The following XPO4 variants were observed in gnomAD, a reference collection of about 807,000 sequenced individuals.
XPO4 encodes exportin-4.
A neutral mutation model predicts 143.0 loss-of-function variants in XPO4; 39 were observed. That is an observed-to-expected ratio of 0.27 (90% CI 0.21 to 0.36). XPO4 has a LOEUF of 0.36. XPO4 is among the 10% of genes least tolerant of loss of function. The pLI is 1.00. For synonymous variants in XPO4, 439 were observed against 474.0 expected (o/e 0.93, Z 0.96); for missense variants, 907 against 1,348.0 (o/e 0.67, Z 5.12).
chr13:20,896,708 T>TGG (rs2060573115), intron 1 of XPO4, among the ~76,000 whole-genome samples: 1 of 152,210 alleles, frequency 6.6e-6, no homozygotes, highest in Non-Finnish European at 1.5e-5. Context: ...TATCTGCACT[T>TGG]ATTCCCATTT....
chr13:20,812,810 CTT>C (rs2059599584), intron 9 of XPO4, among the ~76,000 whole-genome samples: 1 of 152,096 alleles, frequency 6.6e-6, no homozygotes. Flanking sequence ...TCTGTACTGT[CTT>C]TGCAAATTTT....
intron 9 of XPO4, among the ~76,000 whole-genome samples, chr13:20,815,267 T>C (rs1002791178): frequency 6.6e-6 from 1 of 152,098 alleles, no homozygotes. Context: ...TCCAAACCCA[T>C]AGAATGTACA....
At chr13:20,851,017 C>T in intron 4 of XPO4, 1 of 985,140 alleles carries the variant, frequency 1.0e-6, no homozygotes, top group Non-Finnish European at 1.2e-6. Context: ...AGTTTATAGC[C>T]AATACTAAAT....
chr13:20,788,270 T>C (rs1595051457), intron 20 of XPO4, among the ~76,000 whole-genome samples: 1 of 152,258 alleles, frequency 6.6e-6, no homozygotes, highest in East Asian at 1.9e-4. Context: ...TTGGCCAGGC[T>C]GGTCTCGAAC....
chr13:20,787,709 T>A, intron 20 of XPO4, 111 bp from the exon 21 acceptor site: 1 of 810,080 alleles, frequency 1.2e-6, no homozygotes, highest in Non-Finnish European at 2.0e-6. Flanking sequence ...TGAATACAGA[T>A]ACACAAGTAG....
chr13:20,780,516 A>T lies in XPO4; in HGVS notation c.*3206T>A, dbSNP rs931993762. ...TTAAGGGGAGTGTTAAATAATGCTG[A>T]CTGGGGGGAAATGATATAGATACTT... On this transcript the variant is annotated 3_prime_UTR_variant, in exon 23 of 23. Transcript: ENST00000255305. 1 of 152,172 alleles carries T rather than the reference A, an allele frequency of 6.6e-6. No homozygotes were observed. The highest frequency in any genetic ancestry group is 1.5e-5 in the Non-Finnish European group (1 of 68,024). The allele number at this position is 152,172 out of a possible 1,614,324, so 9.4% of individuals were successfully genotyped here. A position where few individuals can be genotyped will look rare whatever the true frequency, so the allele number is the denominator to read the frequency against.
In XPO4 at chr13:20,800,079, G is replaced by C. The variant is rs1489439901; in HGVS notation, c.2147+77C>G. The C allele has an allele frequency of 5.2e-6, 8 of 1,527,324 alleles. No individual in the cohort carries two copies. In the Admixed American group the frequency reaches 1.5e-4, roughly 29 times the overall value. The allele number at this position is 1,527,324 out of a possible 1,614,324, so 94.6% of individuals were successfully genotyped here. A position where few individuals can be genotyped will look rare whatever the true frequency, so the allele number is the denominator to read the frequency against. ...CCGTGTAACCATTTGCCAGTTCAAA[G>C]GACTACACTAAGAAGTGAAAAAGAG... On this transcript the variant is annotated intron_variant, in intron 15 of 22. Transcript: ENST00000255305.
At chr13:20,816,010 T>C (rs910296621) in intron 9 of XPO4, among the ~76,000 whole-genome samples, 1 of 152,236 alleles carries the variant, frequency 6.6e-6, no homozygotes, top group African/African-American at 2.4e-5. Flanking sequence ...ATCAATATAC[T>C]ATACTATTTC....
chr13:20,808,941 A>T, intron 11 of XPO4, 142 bp downstream of exon 11: 1 of 951,992 alleles, frequency 1.1e-6, no homozygotes, highest in East Asian at 2.5e-5. Flanking sequence ...GAACGCAATC[A>T]TGAGTATGTT....
At position 20,782,531 on chromosome 13, in the gene XPO4, C is replaced by T. The variant is rs1250439191; in HGVS notation, c.*1191G>A. 2 of 152,512 alleles carry T rather than the reference C, an allele frequency of 1.3e-5. No individual in the cohort carries two copies. The highest frequency in any genetic ancestry group is 2.9e-5 in the Non-Finnish European group (2 of 68,028). 9.4% of individuals were successfully genotyped at this position (152,512 alleles called of 1,614,324 possible). ...CCATGTCTGGATAAGAATTATTGCC[C>T]CTAATGCCCCAACGTGCAATAGTCT... is the stretch of plus-strand genomic sequence containing the variant. On this transcript the variant is annotated 3_prime_UTR_variant, in exon 23 of 23. Coordinates refer to ENST00000255305, the MANE Select transcript of XPO4 (RefSeq NM_022459.5).
intron 6 of XPO4, among the ~76,000 whole-genome samples, chr13:20,834,998 A>C (rs1966190): frequency 0.3 from 44,937 of 151,954 alleles, 8,378 homozygotes; most frequent in East Asian, 0.8. Flanking sequence ...AACTTAACTT[A>C]GTTTTTTGTT....
At chr13:20,793,394 C>T (rs1011927653) in intron 18 of XPO4, among the ~76,000 whole-genome samples, 2 of 152,082 alleles carry the variant, frequency 1.3e-5, no homozygotes, top group Admixed American at 6.5e-5. Context: ...TTAATCTTTT[C>T]GCTGCTTTTA....
intron 1 of XPO4, among the ~76,000 whole-genome samples, chr13:20,899,602 T>C (rs1049813181): frequency 6.6e-6 from 1 of 152,170 alleles, no homozygotes; most frequent in Admixed American, 6.5e-5. Context: ...CACCAAAAAA[T>C]TTGTTACAAT....
intron 1 of XPO4, among the ~76,000 whole-genome samples, chr13:20,892,513 C>A (rs530736933): frequency 8.5e-5 from 13 of 152,262 alleles, no homozygotes; most frequent in African/African-American, 2.2e-4. Flanking sequence ...CTTTTTCATT[C>A]AACAAATATT....
intron 6 of XPO4, among the ~76,000 whole-genome samples, chr13:20,832,527 G>A (rs963730288): frequency 2.0e-5 from 3 of 152,010 alleles, no homozygotes; most frequent in Non-Finnish European, 4.4e-5. Flanking sequence ...GCAACAATGG[G>A]CATTTCACAT....
At position 20,817,984 on chromosome 13, in the gene XPO4, C is replaced by T. The variant is rs183359406; in HGVS notation, c.1173+3720G>A. 2.4e-3 allele frequency among the ~76,000 whole-genome samples: 364 copies of T among 151,998 alleles called. 3 individuals are homozygous for T. The highest frequency in any genetic ancestry group is 0.016 in the South Asian group (78 of 4,802). On this transcript the variant is annotated intron_variant, in intron 9 of 22. Transcript: ENST00000255305. ...CTAATTTTTGTATTTTTAGTAGAGA[C>T]GGAGCTTCGATGTGTTGGCCAGGCT...
At chr13:20,861,839 G>A (rs983126197) in intron 3 of XPO4, among the ~76,000 whole-genome samples, 3 of 127,240 alleles carry the variant, frequency 2.4e-5, no homozygotes, top group Non-Finnish European at 4.7e-5. Flanking sequence ...AGGCTGGAGT[G>A]CAGTGATGCA....
At position 20,827,069 on chromosome 13, in the gene XPO4, T is replaced by C. The variant is rs1481507831; in HGVS notation, c.838A>G (p.Thr280Ala). 6.2e-7 allele frequency: 1 copy of C among 1,609,504 alleles called. No homozygotes were observed. The highest frequency in any genetic ancestry group is 1.3e-5 in the African/African-American group (1 of 74,944). Residue 280 changes from threonine to alanine, a missense_variant and splice_region_variant, in exon 7 of 23, where the codon ACA becomes GCA. Coordinates refer to ENST00000255305, the MANE Select transcript of XPO4 (RefSeq NM_022459.5). ...LDSRVMELFF[T>A]VHRKIREDSD... The stretch of plus-strand genomic sequence containing the variant: ...CAGAGATGAAGACTAAAACTTACTG[T>C]GAAGAAAAGCTCCATAACTCTGCTG...
intron 16 of XPO4, among the ~76,000 whole-genome samples, chr13:20,798,197 C>A (rs559398238): frequency 3.8e-4 from 57 of 151,930 alleles, no homozygotes; most frequent in Non-Finnish European, 6.8e-4. Flanking sequence ...TGAGGTCATA[C>A]CGGAATAGGG....
Sources: allele counts gnomAD v4.1 joint callset (sites outside exome capture counted in the v4.1 genomes callset), GRCh38; gene constraint gnomAD v4.1.1; transcripts MANE v1.5; gene names NCBI Gene and HGNC (gene_info 2026-07-23, HGNC 2026-07-21).